Variants in NMRK1 observed in about 807,000 individuals in gnomAD.
NMRK1 encodes nicotinamide riboside kinase 1.
A neutral mutation model predicts 29.9 loss-of-function variants in NMRK1; 28 were observed. That is an observed-to-expected ratio of 0.94 (90% CI 0.69 to 1.28). The LOEUF (loss-of-function observed/expected upper bound fraction) is 1.28, where lower values mean the gene tolerates loss of function less well. NMRK1 is among the 50% of genes most tolerant of loss of function. NMRK1 has a pLI of 0.00. For missense variants in NMRK1, 218 were observed against 233.1 expected (o/e 0.94, Z 0.42); for synonymous variants, 58 against 73.0 (o/e 0.79, Z 1.05).
chr9:75,068,262 T>G (rs1287181608), intron 7 of NMRK1, among the ~76,000 whole-genome samples: 5 of 152,166 alleles, frequency 3.3e-5, no homozygotes, highest in Non-Finnish European at 2.9e-5. Flanking sequence ...AAAACAAGAA[T>G]TTTTATCAAT....
At chr9:75,061,589 A>C in intron 8 of NMRK1, 22 bp from the exon 9 acceptor site, 1 of 1,576,728 alleles carries the variant, frequency 6.3e-7, no homozygotes, top group Non-Finnish European at 8.7e-7. Flanking sequence ...ACATAAAAAG[A>C]AATTAATGGA....
At chr9:75,076,693 G>A (rs1824008397) in intron 4 of NMRK1, among the ~76,000 whole-genome samples, 1 of 152,070 alleles carries the variant, frequency 6.6e-6, no homozygotes, top group African/African-American at 2.4e-5. Context: ...TGGGCAAAGT[G>A]ATCCTCCCAC....
intron 8 of NMRK1, chr9:75,066,410 T>C: frequency 2.5e-6 from 1 of 402,616 alleles, no homozygotes; most frequent in Non-Finnish European, 4.8e-6. Context: ...AAAGGGGAGC[T>C]CTGGACATAC....
At chr9:75,077,637 C>A in intron 2 of NMRK1, 57 bp from the exon 3 acceptor site, 1 of 1,230,194 alleles carries the variant, frequency 8.1e-7, no homozygotes, top group Non-Finnish European at 1.1e-6. Flanking sequence ...AATCATTAAA[C>A]ACTTTTTTTT....
chr9:75,075,424 T>C (rs1823933040), intron 4 of NMRK1, among the ~76,000 whole-genome samples: 1 of 152,196 alleles, frequency 6.6e-6, no homozygotes, highest in Non-Finnish European at 1.5e-5. Context: ...TTGCCTCTCA[T>C]AAAACTATTA....
In NMRK1 at chr9:75,072,244, C is replaced by A. The variant is rs150798193; in HGVS notation, c.170-2202G>T. Among the ~76,000 whole-genome samples the A allele has an allele frequency of 1.4e-4, 21 of 152,238 alleles. No homozygotes were observed. In the East Asian group the frequency reaches 4.0e-3, roughly 29 times the overall value. ...GATCCCATAGCCATGTCATTCCTCC[C>A]GTCCTGGAATCTTTAGCCAGCATGC... On this transcript the variant is annotated intron_variant, in intron 4 of 8. Transcript: ENST00000361092.
At chr9:75,073,531 G>T (rs1176150824) in intron 4 of NMRK1, among the ~76,000 whole-genome samples, 3 of 152,076 alleles carry the variant, frequency 2.0e-5, no homozygotes, top group Non-Finnish European at 4.4e-5. Flanking sequence ...CTAAGGTCAG[G>T]AGTTGGAGAC....
chr9:75,087,768 G>C (rs1237801966), intron 1 of NMRK1: 1 of 152,240 alleles, frequency 6.6e-6, no homozygotes, highest in Non-Finnish European at 1.5e-5. Context: ...AGGCTGCGCG[G>C]TCTCTTGGAG....
At chr9:75,067,750 G>T (rs575757100) in intron 7 of NMRK1, among the ~76,000 whole-genome samples, 1 of 152,336 alleles carries the variant, frequency 6.6e-6, no homozygotes, top group South Asian at 2.1e-4. Flanking sequence ...CAAGTTGGAC[G>T]TGGTGCAGCC....
At position 75,077,159 on chromosome 9, in the gene NMRK1, C is replaced by A. The variant is rs1235433346; in HGVS notation, c.169G>T (p.Val57Leu). 6.4e-7 allele frequency: 1 copy of A among 1,558,278 alleles called. No homozygotes were observed. Among genetic ancestry groups the A allele is most frequent in the Non-Finnish European group, 8.8e-7 (1 of 1,134,076 alleles). Reference sequence around the variant, plus strand: ...ATATTTGACAAGTAAATCTACTTACCATCGTACTGCAAAAATCCATTTTTA... The same window carrying A: ...ATATTTGACAAGTAAATCTACTTACAATCGTACTGCAAAAATCCATTTTTA... ...TDKNGFLQYDVLEALNMEKMM... is the reference protein window; with the variant it reads ...TDKNGFLQYDLLEALNMEKMM... Residue 57 changes from valine to leucine, a missense_variant and splice_region_variant, in exon 4 of 9, where the codon GTG becomes TTG. Coordinates refer to ENST00000361092, the MANE Select transcript of NMRK1 (RefSeq NM_017881.3).
In NMRK1 at chr9:75,078,395, G is replaced by T. The variant is rs762295215; in HGVS notation, c.30-815C>A. The stretch of plus-strand genomic sequence containing the variant: ...TCTCCACCTGGGGGCCAGCTGGGAG[G>T]TCTGCTGTAGCTTATCACAACAGGC... On this transcript the variant is annotated intron_variant, in intron 2 of 8. Coordinates refer to ENST00000361092, the MANE Select transcript of NMRK1 (RefSeq NM_017881.3). 3.2e-6 allele frequency: 5 copies of T among 1,560,510 alleles called. No homozygotes were observed. The African/African-American group carries it at 6.8e-5, about 21-fold the overall frequency.
intron 2 of NMRK1, chr9:75,078,232 A>G (rs1169996524): frequency 6.6e-7 from 1 of 1,511,816 alleles, no homozygotes. Context: ...AGCACATTTT[A>G]GTGCAAGTGT....
chr9:75,086,444 T>C (rs1564145036), intron 1 of NMRK1, among the ~76,000 whole-genome samples: 1 of 152,252 alleles, frequency 6.6e-6, no homozygotes, highest in South Asian at 2.1e-4. Context: ...GGAGAGCTTT[T>C]GCATAGCAGG....
At chr9:75,062,814 C>T (rs1179200865) in intron 8 of NMRK1, among the ~76,000 whole-genome samples, 1 of 152,116 alleles carries the variant, frequency 6.6e-6, no homozygotes, top group East Asian at 1.9e-4. Flanking sequence ...GACGGATTAC[C>T]TGAGGTCAGG....
intron 8 of NMRK1, among the ~76,000 whole-genome samples, chr9:75,063,397 A>G (rs549696057): frequency 4.1e-4 from 62 of 152,010 alleles, no homozygotes; most frequent in African/African-American, 1.5e-3. Flanking sequence ...CCTTAAAAAT[A>G]ATGTTTTTAT....
intron 4 of NMRK1, among the ~76,000 whole-genome samples, chr9:75,075,462 C>G (rs1823935636): frequency 6.6e-6 from 1 of 152,140 alleles, no homozygotes; most frequent in African/African-American, 2.4e-5. Context: ...ATTGATAACA[C>G]TTTTCCTAAA....
At chr9:75,067,029 T>C in intron 7 of NMRK1, 189 bp from the exon 8 acceptor site, 1 of 465,538 alleles carries the variant, frequency 2.1e-6, no homozygotes, top group Non-Finnish European at 3.8e-6. Flanking sequence ...AGGTCAAAAA[T>C]ATTGGATTGT....
At chr9:75,077,075 T>C (rs926061421) in intron 4 of NMRK1, 84 bp downstream of exon 4, 2 of 800,438 alleles carry the variant, frequency 2.5e-6, no homozygotes, top group Admixed American at 4.9e-5. Flanking sequence ...CACAGAACCA[T>C]CAACTTCAAC....
At chr9:75,081,742 A>G (rs1043803616) in intron 2 of NMRK1, among the ~76,000 whole-genome samples, 1 of 152,172 alleles carries the variant, frequency 6.6e-6, no homozygotes, top group Non-Finnish European at 1.5e-5. Context: ...CAATCAGTGT[A>G]ATCCCACCTC....
Sources: allele counts gnomAD v4.1 joint callset (sites outside exome capture counted in the v4.1 genomes callset), GRCh38; gene constraint gnomAD v4.1.1; transcripts MANE v1.5; gene names NCBI Gene and HGNC (gene_info 2026-07-23, HGNC 2026-07-21).